The following RBFOX1 variants were observed in gnomAD, a reference collection of about 807,000 sequenced individuals.
RBFOX1 encodes the protein RNA binding protein fox-1 homolog 1.
A neutral mutation model predicts 57.7 loss-of-function variants in RBFOX1; 8 were observed. The ratio of observed to expected loss-of-function variants is 0.14; its 90% CI spans 0.08 to 0.25. The LOEUF is 0.25. Among genes scored for constraint, RBFOX1 ranks in the 10% least tolerant of loss-of-function variants. RBFOX1 has a pLI of 1.00. For missense variants in RBFOX1, 611 were observed against 548.5 expected (o/e 1.11, Z -1.14); for synonymous variants, 326 against 222.4 (o/e 1.47, Z -4.15).
chr16:6,514,674 G>A (rs1475759783), intron 2 of RBFOX1, among the ~76,000 whole-genome samples: 3 of 152,002 alleles, frequency 2.0e-5, no homozygotes, highest in African/African-American at 7.3e-5. Context: ...CACAAAAATG[G>A]TGTCTCCTGA....
Position 5,588,469 on chromosome 16 carries a change from G to T in RBFOX1, c.259-10433G>T, listed in dbSNP as rs137902927. Among the ~76,000 whole-genome samples, 55 of 152,276 alleles carry T rather than the reference G, an allele frequency of 3.6e-4. 1 individual carries two copies. In the East Asian group the frequency reaches 9.1e-3, roughly 25 times the overall value. On this transcript the variant is annotated intron_variant, in intron 2 of 2. Coordinates refer to the RBFOX1 transcript ENST00000585867. The stretch of plus-strand genomic sequence containing the variant: ...ATGTATTGAAGCACATAGTAAATGC[G>T]CAATTAAGTAGCATTCTGCTTTTTT...
At chr16:7,544,383 T>G (rs2083829286) in intron 5 of RBFOX1, among the ~76,000 whole-genome samples, 1 of 152,224 alleles carries the variant, frequency 6.6e-6, no homozygotes, top group Non-Finnish European at 1.5e-5. Context: ...ACTTGGAACC[T>G]TAGGAGGAGA....
chr16:6,347,905 C>G (rs2085653517), intron 2 of RBFOX1, among the ~76,000 whole-genome samples: 1 of 152,192 alleles, frequency 6.6e-6, no homozygotes, highest in African/African-American at 2.4e-5. Flanking sequence ...TTTGCTCATG[C>G]AGATCATACA....
intron 4 of RBFOX1, among the ~76,000 whole-genome samples, chr16:7,515,162 G>A (rs566328320): frequency 2.0e-5 from 3 of 152,198 alleles, no homozygotes; most frequent in Admixed American, 2.0e-4. Flanking sequence ...ATCACCCATA[G>A]AGAAGTGGCA....
intron 1 of RBFOX1, among the ~76,000 whole-genome samples, chr16:5,309,169 C>T (rs748539146): frequency 6.6e-5 from 10 of 152,178 alleles, no homozygotes; most frequent in Non-Finnish European, 1.3e-4. Flanking sequence ...CCTTTACTGT[C>T]ATTTTATTGG....
intron 3 of RBFOX1, among the ~76,000 whole-genome samples, chr16:6,891,297 GTA>G (rs2065353835): frequency 6.6e-6 from 1 of 152,206 alleles, no homozygotes; most frequent in African/African-American, 2.4e-5. Flanking sequence ...CAAGGTGGCA[GTA>G]TTATCTCTAA....
At chr16:7,352,367 C>G (rs1324563629) in intron 4 of RBFOX1, among the ~76,000 whole-genome samples, 1 of 152,164 alleles carries the variant, frequency 6.6e-6, no homozygotes, top group Non-Finnish European at 1.5e-5. Flanking sequence ...AGCTATATAT[C>G]CTGTTCTCAG....
chr16:5,453,579 A>G (rs1470470474), intron 1 of RBFOX1, among the ~76,000 whole-genome samples: 2 of 152,268 alleles, frequency 1.3e-5, no homozygotes, highest in African/African-American at 2.4e-5. Context: ...AGCTACATGC[A>G]TCATAGGAGT....
chr16:5,613,990 C>T (rs57853632), intron 3 of RBFOX1, among the ~76,000 whole-genome samples: 4,945 of 151,606 alleles, frequency 0.033, 169 homozygotes, highest in African/African-American at 0.077. Context: ...GGTCAGTTCC[C>T]TCCACTTCTC....
chr16:7,336,247 G>A (rs1344594102), intron 4 of RBFOX1, among the ~76,000 whole-genome samples: 3 of 152,180 alleles, frequency 2.0e-5, no homozygotes, highest in African/African-American at 4.8e-5. Flanking sequence ...CAACAGCTTT[G>A]TAACTGGTTA....
rs78806503 is a variant in RBFOX1 at position 5,758,798 on chromosome 16, G to C, written c.319-108505G>C. Among the ~76,000 whole-genome samples, 1,079 of 152,258 alleles carry C rather than the reference G, an allele frequency of 7.1e-3. 14 individuals carry two copies. Among genetic ancestry groups the C allele is most frequent in the African/African-American group, 0.025 (1,018 of 41,542 alleles). ...TTGGATAGGGTGGGAGAAAGGTTAT[G>C]AATGCACATCTAGGGAATGTATGCT... On this transcript the variant is annotated intron_variant, in intron 3 of 19. Transcript: ENST00000641259.
chr16:6,905,544 C>G (rs1460849636), intron 3 of RBFOX1, among the ~76,000 whole-genome samples: 2 of 106,184 alleles, frequency 1.9e-5, no homozygotes, highest in Non-Finnish European at 3.9e-5. Flanking sequence ...CAGAGTTAGA[C>G]TCCATCTCAA....
At chr16:6,818,617 C>G (rs1184595605) in intron 3 of RBFOX1, among the ~76,000 whole-genome samples, 1 of 152,178 alleles carries the variant, frequency 6.6e-6, no homozygotes, top group African/African-American at 2.4e-5. Flanking sequence ...GCATGTATCA[C>G]TCAGCACCTG....
At chr16:6,619,221 G>C (rs1184209080) in intron 2 of RBFOX1, among the ~76,000 whole-genome samples, 1 of 151,666 alleles carries the variant, frequency 6.6e-6, no homozygotes, top group Non-Finnish European at 1.5e-5. Flanking sequence ...CCCTTAAACA[G>C]TGAGGCAGCT....
intron 1 of RBFOX1, among the ~76,000 whole-genome samples, chr16:6,133,708 C>T (rs1408432884): frequency 1.3e-5 from 2 of 152,136 alleles, no homozygotes; most frequent in Non-Finnish European, 2.9e-5. Context: ...GCATCCTCAC[C>T]TTGCTCACAC....
chr16:6,478,441 T>A (rs1460196447), intron 2 of RBFOX1, among the ~76,000 whole-genome samples: 79 of 117,916 alleles, frequency 6.7e-4, no homozygotes, highest in African/African-American at 2.6e-3. Flanking sequence ...TTTTTTTTTT[T>A]TTTTTTGTAT....
At chr16:5,638,136 T>G (rs150912911) in intron 3 of RBFOX1, among the ~76,000 whole-genome samples, 1 of 152,290 alleles carries the variant, frequency 6.6e-6, no homozygotes, top group Non-Finnish European at 1.5e-5. Context: ...TGCTGAGCAT[T>G]TTACATATGT....
chr16:6,715,292 T>C (rs985378897), intron 3 of RBFOX1, among the ~76,000 whole-genome samples: 7 of 151,990 alleles, frequency 4.6e-5, no homozygotes, highest in African/African-American at 1.7e-4. Context: ...TTTTTAACCC[T>C]GTTCTGTTGA....
rs114041142 is a variant in RBFOX1 at position 7,187,918 on chromosome 16, A to T, written c.27+135820A>T. On this transcript the variant is annotated intron_variant, in intron 4 of 15. Coordinates refer to ENST00000550418, the MANE Select transcript of RBFOX1 (RefSeq NM_018723.4). Reference sequence around the variant, plus strand: ...TTGTCAAGTGAACAAAGTGGTTTCCATGACCGCATGGGTCAAATCACAGCA... The same window carrying T: ...TTGTCAAGTGAACAAAGTGGTTTCCTTGACCGCATGGGTCAAATCACAGCA... Among the ~76,000 whole-genome samples, 1,188 of 152,276 alleles carry T rather than the reference A, an allele frequency of 7.8e-3. 8 individuals carry two copies. Among genetic ancestry groups the T allele is most frequent in the African/African-American group, 0.024 (997 of 41,552 alleles).
Sources: gnomAD v4.1 joint callset for allele counts (sites outside exome capture counted in the v4.1 genomes callset) on GRCh38, gnomAD v4.1.1 for gene constraint, MANE v1.5 for transcripts, NCBI Gene and HGNC (gene_info 2026-07-23, HGNC 2026-07-21) for gene names.